Variants in ADGRB2 observed in about 807,000 individuals in gnomAD.
ADGRB2 encodes brain-specific angiogenesis inhibitor 2.
ADGRB2 carries 47 observed loss-of-function variants against 178.7 expected under a neutral mutation model. The observed-to-expected ratio is 0.26, with a 90% CI of 0.21 to 0.34. The LOEUF is 0.34. Among genes scored for constraint, ADGRB2 ranks in the 10% least tolerant of loss-of-function variants. ADGRB2 has a pLI of 1.00. For missense variants in ADGRB2, 1,584 were observed against 2,180.8 expected (o/e 0.73, Z 5.45); for synonymous variants, 870 against 912.4 (o/e 0.95, Z 0.84).
intron 25 of ADGRB2, among the ~76,000 whole-genome samples, chr1:31,734,459 C>T (rs910501948): frequency 6.6e-6 from 1 of 152,192 alleles, no homozygotes; most frequent in African/African-American, 2.4e-5. Flanking sequence ...ACAGAGGGAG[C>T]TTCGTGGTGA....
intron 20 of ADGRB2, 98 bp from the exon 21 acceptor site, chr1:31,736,821 C>T: frequency 6.7e-7 from 1 of 1,481,824 alleles, no homozygotes; most frequent in Non-Finnish European, 9.0e-7. Context: ...GCCACAGCCG[C>T]CCACCTGAGC....
rs188751527 is a variant in ADGRB2, at chr1:31,739,211, T to C, written c.2495+97A>G. 164 of 1,277,670 alleles carry C rather than the reference T, an allele frequency of 1.3e-4. No homozygotes were observed. In the African/African-American group the frequency reaches 2.2e-3, roughly 17 times the overall value. 79.1% of individuals were successfully genotyped at this position (1,277,670 alleles called of 1,614,324 possible). A position where few individuals can be genotyped will look rare whatever the true frequency, so the allele number is the denominator to read the frequency against. ...TTCCTGAAGGTGGAGGAGGCTGCCATGGATCTCTCTGCAGCCAGCACTGGC... is the reference window on the plus strand; with the variant it reads ...TTCCTGAAGGTGGAGGAGGCTGCCACGGATCTCTCTGCAGCCAGCACTGGC... On this transcript the variant is annotated intron_variant, in intron 15 of 32. Transcript: ENST00000373658.
At chr1:31,757,768 T>C (rs1646911849) in intron 1 of ADGRB2, among the ~76,000 whole-genome samples, 1 of 152,186 alleles carries the variant, frequency 6.6e-6, no homozygotes, top group Non-Finnish European at 1.5e-5. Flanking sequence ...ACCTCTCTCC[T>C]ATACTGTTTC....
rs944583249 is a variant in ADGRB2 at position 31,741,556 on chromosome 1, G to A, written c.1687+68C>T. The A allele has an allele frequency of 1.6e-5, 25 of 1,595,102 alleles. No individual in the cohort carries two copies. Among genetic ancestry groups the A allele is most frequent in the Non-Finnish European group, 2.1e-5 (24 of 1,166,992 alleles). ...CACTCCTCCGTATCTCAGAGAGGCT[G>A]GGGGCGCAGAAGGGGGCAATGAGAA... On this transcript the variant is annotated intron_variant, in intron 10 of 32. Coordinates refer to ENST00000373658, the MANE Select transcript of ADGRB2 (RefSeq NM_001364857.2). This position sits in a 1 kb window ranked among gnomAD's most constrained non-coding sequence, Gnocchi z 6.5.
Position 31,735,609 on chromosome 1 carries a change from G to A in ADGRB2, c.3324C>T (p.Ile1108=), listed in dbSNP as rs752280833. The A allele has an allele frequency of 3.1e-6, 5 of 1,613,798 alleles. No individual in the cohort carries two copies. The highest frequency in any genetic ancestry group is 4.2e-6 in the Non-Finnish European group (5 of 1,179,830). The change falls in exon 24 of 33, where the codon ATC becomes ATT. Residue 1108 remains isoleucine (I), a synonymous_variant. Coordinates refer to ENST00000373658, the MANE Select transcript of ADGRB2 (RefSeq NM_001364857.2). This position sits in a 1 kb window ranked among gnomAD's most constrained non-coding sequence, Gnocchi z 6.0. The part of the protein sequence containing the change: ...VFNKLMARDG[I]SDKSKKQRAG... ...CCCTCTGCTTCTTGGATTTGTCGGA[G>A]ATGCCATCACGTGCCATGAGCTTGT...
rs772863167 is a variant in ADGRB2, at chr1:31,754,988, T to C, written c.838+1011A>G. 6.6e-6 allele frequency among the ~76,000 whole-genome samples: 1 copy of C among 152,192 alleles called. No homozygotes were observed. The highest frequency in any genetic ancestry group is 1.5e-5 in the Non-Finnish European group (1 of 68,026). On this transcript the variant is annotated intron_variant, in intron 4 of 32. Transcript: ENST00000373658. This position sits in a 1 kb window ranked among gnomAD's most constrained non-coding sequence, Gnocchi z 5.7. ...AAATCCAGATGCCCTTTCCATCCTC[T>C]ATCCCTGCATCCTTGATCCTCATGA...
Position 31,738,608 on chromosome 1 carries a change from G to A in ADGRB2, c.2624C>T (p.Ala875Val). The stretch of plus-strand genomic sequence containing the variant: ...TCACGCTCTGGAGTAGTCCCAGCTG[G>A]CGCAATGGGGATCCGTGGTCCCCTG... ...IINGTTDPHCASWDYSRADAS... is the reference protein window; with the variant it reads ...IINGTTDPHCVSWDYSRADAS... Residue 875 changes from alanine to valine, a missense_variant, in exon 17 of 33, where the codon GCC becomes GTC. This residue lies in a region of ADGRB2 where 865 missense variants were observed against 1,192.8 expected (regional missense o/e 0.73). Transcript: ENST00000373658. The A allele has an allele frequency of 2.5e-6, 4 of 1,611,566 alleles. No individual in the cohort carries two copies. The South Asian group carries it at 4.4e-5, about 18-fold the overall frequency.
Position 31,736,557 on chromosome 1 carries a change from C to T in ADGRB2, c.3130+16G>A. 1 of 1,612,626 alleles carries T rather than the reference C, an allele frequency of 6.2e-7. No individual in the cohort carries two copies. Among genetic ancestry groups the T allele is most frequent in the Non-Finnish European group, 8.5e-7 (1 of 1,179,178 alleles). ...ACCAAGGCCCAGCAGCAGAGTCCAG[C>T]ACTGGCCCTGCTCACCCCAGCCCAG... On this transcript the variant is annotated intron_variant, in intron 21 of 32. Coordinates refer to ENST00000373658, the MANE Select transcript of ADGRB2 (RefSeq NM_001364857.2).
At position 31,741,517 on chromosome 1, in the gene ADGRB2, C is replaced by A; in HGVS notation, c.1688-38G>T. On this transcript the variant is annotated intron_variant, in intron 10 of 32. Transcript: ENST00000373658. This position sits in a 1 kb window ranked among gnomAD's most constrained non-coding sequence, Gnocchi z 6.5. ...AGGACAGAGGTCTGGGCATGGGGGC[C>A]GAGCTCTCACCCACACTCCTCCGTA... The A allele has an allele frequency of 1.3e-6, 2 of 1,579,570 alleles. No individual in the cohort carries two copies. Among genetic ancestry groups the A allele is most frequent in the Non-Finnish European group, 1.7e-6 (2 of 1,160,464 alleles).
chr1:31,734,258 A>G (rs1042754104), intron 25 of ADGRB2, among the ~76,000 whole-genome samples: 1 of 152,240 alleles, frequency 6.6e-6, no homozygotes, highest in Non-Finnish European at 1.5e-5. Flanking sequence ...ATTACTTCAA[A>G]TCATGATCAA....
chr1:31,730,807 G>T lies in ADGRB2; in HGVS notation c.4373C>A (p.Ser1458Tyr), dbSNP rs1240364845. Reference sequence around the variant, plus strand: ...TTCCCTACAGCCCCTCACCTCCAGGGAGCCCATCTTCATGGTAGAGCCGGG... The same window carrying T: ...TTCCCTACAGCCCCTCACCTCCAGGTAGCCCATCTTCATGGTAGAGCCGGG... ...TVPGSTMKMGSLERKKLRYSD... is the reference protein window; with the variant it reads ...TVPGSTMKMGYLERKKLRYSD... Residue 1458 changes from serine to tyrosine, a missense_variant, in exon 29 of 33, where the codon TCC (serine) becomes TAC (tyrosine). This residue lies in a region of ADGRB2 where 865 missense variants were observed against 1,192.8 expected (regional missense o/e 0.73). Transcript: ENST00000373658. 2 of 1,500,610 alleles carry T rather than the reference G, an allele frequency of 1.3e-6. No individual in the cohort carries two copies. The highest frequency in any genetic ancestry group is 2.8e-5 in the African/African-American group (2 of 71,374). The allele number at this position is 1,500,610 out of a possible 1,614,324, so 93.0% of individuals were successfully genotyped here. A position where few individuals can be genotyped will look rare whatever the true frequency, so the allele number is the denominator to read the frequency against.
intron 4 of ADGRB2, among the ~76,000 whole-genome samples, chr1:31,748,002 C>A (rs1646363609): frequency 6.6e-6 from 1 of 152,230 alleles, no homozygotes; most frequent in Non-Finnish European, 1.5e-5. Flanking sequence ...GGGCTTCCTG[C>A]CCATCGTCGT....
chr1:31,745,762 C>T (rs1260230533), intron 4 of ADGRB2, among the ~76,000 whole-genome samples: 1 of 152,208 alleles, frequency 6.6e-6, no homozygotes, highest in African/African-American at 2.4e-5. Flanking sequence ...ACTGGACAGG[C>T]ACGCTGAGTG....
intron 4 of ADGRB2, among the ~76,000 whole-genome samples, chr1:31,745,249 T>A (rs1646214156): frequency 1.3e-5 from 2 of 152,154 alleles, no homozygotes; most frequent in African/African-American, 4.8e-5. Flanking sequence ...GCCCCGAGCC[T>A]ATCTCTGAGA....
At chr1:31,748,185 C>A (rs749541040) in intron 4 of ADGRB2, among the ~76,000 whole-genome samples, 1 of 152,200 alleles carries the variant, frequency 6.6e-6, no homozygotes, top group African/African-American at 2.4e-5. Flanking sequence ...AGGGGCAGGG[C>A]GAAGCGGGAG....
At position 31,733,621 on chromosome 1, in the gene ADGRB2, G is replaced by C. The variant is rs1157860752; in HGVS notation, c.3453-478C>G. 6.6e-6 allele frequency among the ~76,000 whole-genome samples: 1 copy of C among 152,200 alleles called. No homozygotes were observed. On this transcript the variant is annotated intron_variant, in intron 25 of 32. Coordinates refer to ENST00000373658, the MANE Select transcript of ADGRB2 (RefSeq NM_001364857.2). This position sits in a 1 kb window ranked among gnomAD's most constrained non-coding sequence, Gnocchi z 4.3. Reference sequence around the variant, plus strand: ...GACACCCAGACAGAAAGATTAAACAGGCAGAGCACGCGGGGGACATCCAGA... The same window carrying C: ...GACACCCAGACAGAAAGATTAAACACGCAGAGCACGCGGGGGACATCCAGA...
intron 4 of ADGRB2, among the ~76,000 whole-genome samples, chr1:31,751,487 G>A (rs1281383180): frequency 6.6e-6 from 1 of 152,168 alleles, no homozygotes; most frequent in Non-Finnish European, 1.5e-5. Context: ...CCAACTGCAT[G>A]AGAGATAAAG....
Position 31,743,100 on chromosome 1 carries a change from T to C in ADGRB2, c.1088-98A>G, listed in dbSNP as rs577325118. On this transcript the variant is annotated intron_variant, in intron 6 of 32. Coordinates refer to ENST00000373658, the MANE Select transcript of ADGRB2 (RefSeq NM_001364857.2). ...CCACCAATCAGGAGCTCCGCAGCTC[T>C]GCGGCTGCTCCTCATTGGCTCTGCC... 189 of 1,284,120 alleles carry C rather than the reference T, an allele frequency of 1.5e-4. No homozygotes were observed. In the African/African-American group the frequency reaches 2.7e-3, roughly 18 times the overall value. 79.5% of individuals were successfully genotyped at this position (1,284,120 alleles called of 1,614,324 possible).
At position 31,740,897 on chromosome 1, in the gene ADGRB2, A is replaced by G. The variant is rs72664922; in HGVS notation, c.1795-356T>C. Reference sequence around the variant, plus strand: ...TGAGCATGTGTGTGGGCGCGCGCGCACACACACACACACACACACACACAC... The same window carrying G: ...TGAGCATGTGTGTGGGCGCGCGCGCGCACACACACACACACACACACACAC... On this transcript the variant is annotated intron_variant, in intron 11 of 32. Transcript: ENST00000373658. The surrounding 1 kb of genome is among the most constrained non-coding windows in gnomAD (Gnocchi z 5.9). Among the ~76,000 whole-genome samples, 1,045 of 97,440 alleles carry G rather than the reference A, an allele frequency of 0.011. 12 individuals are homozygous for G. Among genetic ancestry groups the G allele is most frequent in the African/African-American group, 0.035 (937 of 26,436 alleles). The allele number at this position is 97,440 out of a possible 152,430, so 63.9% of individuals were successfully genotyped here. A position where few individuals can be genotyped will look rare whatever the true frequency, so the allele number is the denominator to read the frequency against.
Sources: gnomAD v4.1 joint callset for allele counts (sites outside exome capture counted in the v4.1 genomes callset) on GRCh38, gnomAD v4.1.1 for gene constraint, gnomAD v4.1.1 regional missense constraint, Gnocchi (gnomAD v3.1) non-coding constraint, MANE v1.5 for transcripts, NCBI Gene and HGNC (gene_info 2026-07-23, HGNC 2026-07-21) for gene names.